The following NKD1 variants were observed in gnomAD, a reference collection of about 807,000 sequenced individuals.
NKD1 encodes NKD inhibitor of Wnt signaling pathway 1, also known as protein naked cuticle homolog 1.
NKD1 carries 21 observed loss-of-function variants against 56.0 expected under a neutral mutation model. That is an observed-to-expected ratio of 0.38 (90% CI 0.27 to 0.54). The LOEUF (loss-of-function observed/expected upper bound fraction) is 0.54, where lower values mean the gene tolerates loss of function less well. Ranked by LOEUF, NKD1 falls within the 20% of genes least tolerant of loss-of-function variation. NKD1 has a pLI of 0.82. For synonymous variants in NKD1, 263 were observed against 265.7 expected, an observed-to-expected ratio of 0.99 and a Z score of 0.10; for missense variants, 578 against 642.7, an observed-to-expected ratio of 0.90 and a Z score of 1.09.
intron 3 of NKD1, among the ~76,000 whole-genome samples, chr16:50,597,566 G>A (rs1189898544): frequency 6.6e-6 from 1 of 152,228 alleles, no homozygotes; most frequent in Non-Finnish European, 1.5e-5. Flanking sequence ...CATTTCTGAA[G>A]TGGAGCGTGG....
At chr16:50,629,476 G>GC (rs1265099432) in intron 6 of NKD1, among the ~76,000 whole-genome samples, 2 of 152,296 alleles carry the variant, frequency 1.3e-5, no homozygotes, top group East Asian at 3.9e-4. Flanking sequence ...TGCTGTTGAT[G>GC]CCCCCACTCC....
At chr16:50,595,727 A>G (rs1327817805) in intron 3 of NKD1, among the ~76,000 whole-genome samples, 1 of 152,172 alleles carries the variant, frequency 6.6e-6, no homozygotes, top group African/African-American at 2.4e-5. Context: ...AGTCACTGCC[A>G]TGAAGACCTT....
chr16:50,561,912 C>T (rs1960642677), intron 3 of NKD1, among the ~76,000 whole-genome samples: 1 of 151,980 alleles, frequency 6.6e-6, no homozygotes, highest in Non-Finnish European at 1.5e-5. Context: ...GAGACGTGTC[C>T]CTTGGGTTTA....
intron 4 of NKD1, among the ~76,000 whole-genome samples, chr16:50,614,612 T>C (rs1345505510): frequency 6.6e-6 from 1 of 152,142 alleles, no homozygotes; most frequent in Non-Finnish European, 1.5e-5. Context: ...TTGACCACTT[T>C]ACTGGTCACT....
chr16:50,581,594 A>G (rs978755966), intron 3 of NKD1, among the ~76,000 whole-genome samples: 2 of 152,162 alleles, frequency 1.3e-5, no homozygotes, highest in African/African-American at 2.4e-5. Flanking sequence ...GCCAGCTCCT[A>G]TTGCTTTGTG....
rs116084807 is a variant in NKD1, at chr16:50,600,720, T to C, written c.193-7574T>C. Among the ~76,000 whole-genome samples, 301 of 152,202 alleles carry C rather than the reference T, an allele frequency of 2.0e-3. 2 individuals are homozygous for C. The highest frequency in any genetic ancestry group is 6.8e-3 in the African/African-American group (282 of 41,530). ...GACTGAGGCTGGCTGAGGTTCAGGA[T>C]TGGGCAACCCGTCTCTAGGGATTAT... On this transcript the variant is annotated intron_variant, in intron 3 of 9. Transcript: ENST00000268459.
Position 50,598,669 on chromosome 16 carries a change from G to A in NKD1, c.193-9625G>A, listed in dbSNP as rs189974838. On this transcript the variant is annotated intron_variant, in intron 3 of 9. Transcript: ENST00000268459. This position sits in a 1 kb window ranked among gnomAD's most constrained non-coding sequence, Gnocchi z 4.2. ...CCAGCTGCTTGGTGATCAGAGGCAC[G>A]CCACAGGCCCTCGGGCCTCTCCTCT... Among the ~76,000 whole-genome samples the A allele has an allele frequency of 0.012, 1,787 of 152,324 alleles. 42 individuals carry two copies. Among genetic ancestry groups the A allele is most frequent in the African/African-American group, 0.041 (1,700 of 41,572 alleles).
intron 3 of NKD1, among the ~76,000 whole-genome samples, chr16:50,565,860 T>C (rs1960747632): frequency 6.6e-6 from 1 of 152,240 alleles, no homozygotes; most frequent in Non-Finnish European, 1.5e-5. Context: ...TTCATGGCTA[T>C]CAAGCCTTCT....
chr16:50,581,931 G>A lies in NKD1; in HGVS notation c.193-26363G>A, dbSNP rs763876577. On this transcript the variant is annotated intron_variant, in intron 3 of 9. Transcript: ENST00000268459. ...CTGATTGCTCAGAGCAAAGGATTTT[G>A]TGTCCAGGATCTGAGTGTTGCAAGG... is the stretch of plus-strand genomic sequence containing the variant. 9.3e-4 allele frequency among the ~76,000 whole-genome samples: 142 copies of A among 152,202 alleles called. 2 individuals carry two copies. Among genetic ancestry groups the A allele is most frequent in the Admixed American group, 6.5e-4 (10 of 15,288 alleles).
chr16:50,587,188 T>C (rs1961248597), intron 3 of NKD1, among the ~76,000 whole-genome samples: 2 of 152,226 alleles, frequency 1.3e-5, no homozygotes, highest in South Asian at 4.1e-4. Flanking sequence ...AACTTGAATG[T>C]GTATATGAAT....
At chr16:50,566,396 G>C (rs906018220) in intron 3 of NKD1, among the ~76,000 whole-genome samples, 13 of 152,250 alleles carry the variant, frequency 8.5e-5, no homozygotes, top group African/African-American at 3.1e-4. Flanking sequence ...CCCAGCTTCA[G>C]TTGTTAGAGA....
chr16:50,595,416 G>A (rs1035301869), intron 3 of NKD1, among the ~76,000 whole-genome samples: 2 of 152,148 alleles, frequency 1.3e-5, no homozygotes, highest in East Asian at 3.8e-4. Context: ...GGTCCTTCTT[G>A]CAGGTCAGAA....
intron 4 of NKD1, among the ~76,000 whole-genome samples, chr16:50,612,956 G>C (rs954420343): frequency 4.6e-5 from 7 of 152,186 alleles, no homozygotes; most frequent in African/African-American, 1.7e-4. Flanking sequence ...GGTGACTGCA[G>C]GGTCGCAGGC....
intron 3 of NKD1, chr16:50,607,053 C>T (rs576682159): frequency 1.7e-5 from 8 of 457,222 alleles, no homozygotes; most frequent in East Asian, 1.4e-4. Flanking sequence ...GGAAGCCATC[C>T]TGACTCGAGG....
At chr16:50,588,153 C>T (rs1264466486) in intron 3 of NKD1, among the ~76,000 whole-genome samples, 1 of 152,172 alleles carries the variant, frequency 6.6e-6, no homozygotes. Flanking sequence ...AGGCCACATT[C>T]ATACATGGAA....
At chr16:50,611,363 C>T (rs540871889) in intron 4 of NKD1, among the ~76,000 whole-genome samples, 3 of 121,568 alleles carry the variant, frequency 2.5e-5, no homozygotes, top group African/African-American at 1.8e-4. Context: ...AGGAAGGCTG[C>T]TCTGCAGCTT....
intron 3 of NKD1, chr16:50,607,955 T>G: frequency 3.5e-6 from 1 of 282,242 alleles, no homozygotes; most frequent in Non-Finnish European, 6.9e-6. Flanking sequence ...ATCCCAGATA[T>G]CCTTAACTCA....
At chr16:50,611,743 G>C (rs969464434) in intron 4 of NKD1, among the ~76,000 whole-genome samples, 1 of 152,096 alleles carries the variant, frequency 6.6e-6, no homozygotes, top group Non-Finnish European at 1.5e-5. Context: ...ATTCCAGCCT[G>C]GCTTACCCAC....
intron 3 of NKD1, among the ~76,000 whole-genome samples, chr16:50,581,878 G>C (rs1359068724): frequency 6.6e-6 from 1 of 152,184 alleles, no homozygotes; most frequent in Non-Finnish European, 1.5e-5. Context: ...GAAAGGGCAG[G>C]GTGGTTCAGG....
Sources: allele counts gnomAD v4.1 joint callset (sites outside exome capture counted in the v4.1 genomes callset), GRCh38; gene constraint gnomAD v4.1.1; non-coding constraint Gnocchi (gnomAD v3.1); transcripts MANE v1.5; gene names NCBI Gene and HGNC (gene_info 2026-07-23, HGNC 2026-07-21).